CDK8: variants seen among roughly 807,000 people sequenced by gnomAD.
CDK8 encodes the protein cyclin-dependent kinase 8.
In CDK8, 29 loss-of-function variants were observed where a neutral mutation model predicts 71.5. That is an observed-to-expected ratio of 0.41 (90% CI 0.30 to 0.55). The LOEUF (loss-of-function observed/expected upper bound fraction) is 0.55. CDK8 is among the 20% of genes least tolerant of loss of function. The pLI is 0.37. For synonymous variants in CDK8, 161 were observed against 192.1 expected, an observed-to-expected ratio of 0.84 and a Z score of 1.34; for missense variants, 288 against 572.6, an observed-to-expected ratio of 0.50 and a Z score of 5.07.
rs76998583 is a variant in CDK8, at chr13:26,271,775, A to G, written c.128+17006A>G. On this transcript the variant is annotated intron_variant, in intron 1 of 12. Coordinates refer to ENST00000381527, the MANE Select transcript of CDK8 (RefSeq NM_001260.3). ...TGGTGAGCTCTAATTGTACCACTGTAGAGGGCCTGGGGGACAGAGTGAGAC... is the reference window on the plus strand; with the variant it reads ...TGGTGAGCTCTAATTGTACCACTGTGGAGGGCCTGGGGGACAGAGTGAGAC... 9.0e-3 allele frequency among the ~76,000 whole-genome samples: 1,187 copies of G among 132,604 alleles called. 8 individuals carry two copies. The highest frequency in any genetic ancestry group is 0.017 in the African/African-American group (567 of 34,190). The allele number at this position is 132,604 out of a possible 152,430, so 87.0% of individuals were successfully genotyped here. A position where few individuals can be genotyped will look rare whatever the true frequency, so the allele number is the denominator to read the frequency against.
intron 5 of CDK8, among the ~76,000 whole-genome samples, chr13:26,384,450 G>C (rs188249238): frequency 6.6e-6 from 1 of 152,138 alleles, no homozygotes; most frequent in Non-Finnish European, 1.5e-5. Context: ...ATTAGGGATA[G>C]ATATGAAAGA....
rs534797923 is a variant in CDK8 at position 26,366,372 on chromosome 13, A to G, written c.456+12492A>G. Among the ~76,000 whole-genome samples, 4 of 152,272 alleles carry G rather than the reference A, an allele frequency of 2.6e-5. No homozygotes were observed. In the South Asian group the frequency reaches 6.2e-4, roughly 24 times the overall value. The stretch of plus-strand genomic sequence containing the variant: ...TTTTATAAATTTTGTTTGAATCAAC[A>G]TACAATATTTTTTTTAAGATTTAAT... On this transcript the variant is annotated intron_variant, in intron 4 of 12. Transcript: ENST00000381527.
At chr13:26,336,009 G>A (rs866507478) in intron 1 of CDK8, among the ~76,000 whole-genome samples, 2 of 152,168 alleles carry the variant, frequency 1.3e-5, no homozygotes, top group Middle Eastern at 3.4e-3. Flanking sequence ...TTGTGTTGTG[G>A]TTCTTGATTT....
intron 7 of CDK8, among the ~76,000 whole-genome samples, chr13:26,395,487 C>CA (rs11361110): frequency 0.077 from 7,216 of 94,126 alleles, 223 homozygotes; most frequent in South Asian, 0.17. Context: ...AACTCCGTCT[C>CA]AAAAAAAAAA....
chr13:26,289,778 C>T (rs999476977), intron 1 of CDK8, among the ~76,000 whole-genome samples: 23 of 152,030 alleles, frequency 1.5e-4, no homozygotes, highest in African/African-American at 5.6e-4. Context: ...TCTCGATCTC[C>T]TGAGCTCATG....
rs1426807619 is a variant in CDK8 at position 26,263,794 on chromosome 13, T to C, written c.128+9025T>C. 3.4e-5 allele frequency among the ~76,000 whole-genome samples: 5 copies of C among 146,552 alleles called. No individual in the cohort carries two copies. In the East Asian group the frequency reaches 1.0e-3, roughly 30 times the overall value. On this transcript the variant is annotated intron_variant, in intron 1 of 12. Transcript: ENST00000381527. ...CGGAGTCTCGCTATGTCACCCAGCC[T>C]GGAGTGCAGTGGCACGATCTCGGCT...
chr13:26,388,531 A>G (rs1308963144), intron 6 of CDK8, among the ~76,000 whole-genome samples: 2 of 152,208 alleles, frequency 1.3e-5, no homozygotes, highest in African/African-American at 4.8e-5. Context: ...TACAAATAAG[A>G]AAGTGATTGC....
intron 1 of CDK8, among the ~76,000 whole-genome samples, chr13:26,284,530 T>C (rs1197270131): frequency 6.6e-6 from 1 of 152,072 alleles, no homozygotes; most frequent in Non-Finnish European, 1.5e-5. Context: ...TAGAGATGGA[T>C]AAATTCCTGG....
chr13:26,403,101 C>T (rs527259863), intron 12 of CDK8, among the ~76,000 whole-genome samples: 140 of 152,034 alleles, frequency 9.2e-4, no homozygotes, highest in African/African-American at 3.3e-3. Flanking sequence ...ATTAGAGAAC[C>T]CCAAACCATC....
intron 4 of CDK8, among the ~76,000 whole-genome samples, chr13:26,373,252 T>C (rs904397950): frequency 6.6e-6 from 1 of 152,198 alleles, no homozygotes; most frequent in Admixed American, 6.5e-5. Flanking sequence ...GGGTTTTTTT[T>C]ACATATATTT....
intron 2 of CDK8, among the ~76,000 whole-genome samples, chr13:26,347,368 T>A (rs1351659979): frequency 6.6e-6 from 1 of 152,186 alleles, no homozygotes; most frequent in Non-Finnish European, 1.5e-5. Context: ...TTAATTTTCA[T>A]ATGATAATTG....
At chr13:26,262,727 A>G (rs370311006) in intron 1 of CDK8, among the ~76,000 whole-genome samples, 1 of 152,256 alleles carries the variant, frequency 6.6e-6, no homozygotes. Context: ...TTCTAAAATT[A>G]AGGAAAACGT....
intron 2 of CDK8, 21 bp from the exon 3 acceptor site, chr13:26,349,051 T>G (rs1333937899): frequency 4.5e-6 from 6 of 1,322,274 alleles, no homozygotes; most frequent in Non-Finnish European, 6.6e-6. Context: ...AAATAGTTAA[T>G]GCATCTCCTT....
At chr13:26,326,119 C>T (rs2137955398) in intron 1 of CDK8, among the ~76,000 whole-genome samples, 1 of 152,302 alleles carries the variant, frequency 6.6e-6, no homozygotes, top group Admixed American at 6.5e-5. Flanking sequence ...TTGACAAAAA[C>T]TTTCCTAAGT....
At chr13:26,402,058 A>G (rs151031649) in intron 12 of CDK8, among the ~76,000 whole-genome samples, 182 of 152,342 alleles carry the variant, frequency 1.2e-3, no homozygotes, top group African/African-American at 4.2e-3. Context: ...CAGTCTGGCC[A>G]CTTACTTCTC....
At chr13:26,302,542 C>T (rs979736979) in intron 1 of CDK8, among the ~76,000 whole-genome samples, 3 of 152,218 alleles carry the variant, frequency 2.0e-5, no homozygotes, top group Non-Finnish European at 2.9e-5. Context: ...GTCACTCTAA[C>T]CCTTTCCTGT....
At chr13:26,394,676 G>A (rs1457640317) in intron 7 of CDK8, among the ~76,000 whole-genome samples, 1 of 152,222 alleles carries the variant, frequency 6.6e-6, no homozygotes, top group Non-Finnish European at 1.5e-5. Context: ...TAGATGTGGT[G>A]AAGATGTCTA....
At chr13:26,264,172 T>A (rs1246084359) in intron 1 of CDK8, among the ~76,000 whole-genome samples, 1 of 152,258 alleles carries the variant, frequency 6.6e-6, no homozygotes, top group African/African-American at 2.4e-5. Flanking sequence ...GTAATTTATT[T>A]TTTAATGCTG....
intron 1 of CDK8, among the ~76,000 whole-genome samples, chr13:26,309,125 A>T (rs1181298891): frequency 1.4e-5 from 2 of 147,264 alleles, no homozygotes; most frequent in Admixed American, 7.1e-5. Flanking sequence ...TTATATCTAT[A>T]TATGTATGTA....
Sources: gnomAD v4.1 joint callset for allele counts (sites outside exome capture counted in the v4.1 genomes callset) on GRCh38, gnomAD v4.1.1 for gene constraint, MANE v1.5 for transcripts, NCBI Gene and HGNC (gene_info 2026-07-23, HGNC 2026-07-21) for gene names.